The following RNF145 variants were observed in gnomAD, a reference collection of about 807,000 sequenced individuals.
RNF145 encodes ring finger protein 145.
Under a neutral mutation model 57.3 loss-of-function variants are expected in RNF145, and 12 were observed. The ratio of observed to expected loss-of-function variants is 0.21; its 90% confidence interval spans 0.13 to 0.34. RNF145 has a LOEUF of 0.34. RNF145 is among the 10% of genes least tolerant of loss of function. The pLI, the probability that RNF145 is intolerant of heterozygous loss-of-function variation, is 1.00. For missense variants in RNF145, 429 were observed against 799.0 expected, an observed-to-expected ratio of 0.54 and a Z score of 5.58; for synonymous variants, 262 against 288.3, an observed-to-expected ratio of 0.91 and a Z score of 0.92.
At chr5:159,200,406 A>C (rs1030676994) in intron 2 of RNF145, among the ~76,000 whole-genome samples, 2 of 152,214 alleles carry the variant, frequency 1.3e-5, no homozygotes, top group East Asian at 3.8e-4. Flanking sequence ...TTCAAAAATG[A>C]AACAAAATAT....
chr5:159,208,229 C>T (rs1785971369), intron 1 of RNF145: 3 of 1,099,692 alleles, frequency 2.7e-6, no homozygotes, highest in Non-Finnish European at 2.4e-6. Context: ...GCAACCGGGC[C>T]GCCGCCGCCG....
rs138264823 is a variant in RNF145 at position 159,194,102 on chromosome 5, T to C, written c.293+614A>G. On this transcript the variant is annotated intron_variant, in intron 3 of 10. Coordinates refer to ENST00000424310, the MANE Select transcript of RNF145 (RefSeq NM_001199383.2). ...ACAATATGGCTAAAGAGATAGAAGG[T>C]TAGCTATACAATCAACCTTACAAGA... Among the ~76,000 whole-genome samples the C allele has an allele frequency of 2.9e-3, 440 of 152,312 alleles. 1 individual carries two copies. The highest frequency in any genetic ancestry group is 9.7e-3 in the African/African-American group (404 of 41,568).
chr5:159,203,540 C>G lies in RNF145; in HGVS notation c.78G>C (p.Leu26=). 6.2e-7 allele frequency: 1 copy of G among 1,613,664 alleles called. No individual in the cohort carries two copies. Among genetic ancestry groups the G allele is most frequent in the Non-Finnish European group, 8.5e-7 (1 of 1,179,860 alleles). ...RVPSIMLLDV[L]YRWDVSSFFQ... ...AAAAGGAGCTGACATCCCATCTGTACAGGACATCCAACAGCATGATGCTTG... is the reference window on the plus strand; with the variant it reads ...AAAAGGAGCTGACATCCCATCTGTAGAGGACATCCAACAGCATGATGCTTG... Residue 26 remains leucine, a synonymous_variant, in exon 2 of 11, where the codon CTG becomes CTC. Transcript: ENST00000424310.
chr5:159,174,925 A>G (rs920344998), intron 5 of RNF145, among the ~76,000 whole-genome samples: 5 of 152,210 alleles, frequency 3.3e-5, no homozygotes, highest in African/African-American at 7.2e-5. Flanking sequence ...CCAAGTTTCT[A>G]GAGTTACTAT....
At position 159,158,595 on chromosome 5, in the gene RNF145, A is replaced by C. The variant is rs1784113365; in HGVS notation, c.*75T>G. On this transcript the variant is annotated 3_prime_UTR_variant, in exon 11 of 11. Transcript: ENST00000424310. ...CCTGATCATCTCATTTTCATTCCTC[A>C]AATCAGAACATGAATTCCATCTTGA... 2 of 1,512,168 alleles carry C rather than the reference A, an allele frequency of 1.3e-6. No individual in the cohort carries two copies. Among genetic ancestry groups the C allele is most frequent in the East Asian group, 4.5e-5 (2 of 44,146 alleles). The allele number at this position is 1,512,168 out of a possible 1,614,324, so 93.7% of individuals were successfully genotyped here.
In RNF145 at chr5:159,208,159, G is replaced by C. The variant is rs1003704305; in HGVS notation, c.-40+1072C>G. On this transcript the variant is annotated intron_variant, in intron 1 of 10. Transcript: ENST00000424310. ...ACGCCTGCAGATCTCAGATGCGTTTGAACTACAGTAACCCCAACCCAGCTC... is the reference window on the plus strand; with the variant it reads ...ACGCCTGCAGATCTCAGATGCGTTTCAACTACAGTAACCCCAACCCAGCTC... 21 of 1,408,522 alleles carry C rather than the reference G, an allele frequency of 1.5e-5. No homozygotes were observed. The African/African-American group carries it at 2.0e-4, about 14-fold the overall frequency. 87.3% of individuals were successfully genotyped at this position (1,408,522 alleles called of 1,614,324 possible). A position where few individuals can be genotyped will look rare whatever the true frequency, so the allele number is the denominator to read the frequency against.
At chr5:159,207,738 G>C (rs763059644) in intron 1 of RNF145, 1 of 1,614,000 alleles carries the variant, frequency 6.2e-7, no homozygotes, top group Non-Finnish European at 8.5e-7. Flanking sequence ...CTCCTTGCTA[G>C]CTAACTTTGT....
At chr5:159,181,892 C>T in intron 4 of RNF145, 68 bp downstream of exon 4, 1 of 865,076 alleles carries the variant, frequency 1.2e-6, no homozygotes. Flanking sequence ...AATGAGTATG[C>T]ATGAATTTTA....
At chr5:159,185,509 C>T (rs1215260142) in intron 3 of RNF145, among the ~76,000 whole-genome samples, 1 of 152,120 alleles carries the variant, frequency 6.6e-6, no homozygotes, top group Non-Finnish European at 1.5e-5. Flanking sequence ...GATGGTCATT[C>T]ACAACATAAG....
intron 8 of RNF145, among the ~76,000 whole-genome samples, chr5:159,168,340 G>T (rs897715615): frequency 3.3e-5 from 5 of 152,102 alleles, no homozygotes; most frequent in Admixed American, 1.3e-4. Context: ...CCTATAAGTT[G>T]TCAAGAATCC....
intron 8 of RNF145, among the ~76,000 whole-genome samples, chr5:159,163,407 A>T (rs1259818036): frequency 6.6e-6 from 1 of 152,236 alleles, no homozygotes; most frequent in Non-Finnish European, 1.5e-5. Context: ...TTCCTGGTTA[A>T]GACAGGGAGG....
intron 3 of RNF145, among the ~76,000 whole-genome samples, chr5:159,183,265 G>A (rs1429269587): frequency 6.6e-6 from 1 of 152,174 alleles, no homozygotes; most frequent in Non-Finnish European, 1.5e-5. Flanking sequence ...TTGTAATGCA[G>A]TGGTTGTCAA....
At position 159,163,068 on chromosome 5, in the gene RNF145, T is replaced by C; in HGVS notation, c.1133A>G (p.Lys378Arg). 1 of 1,596,524 alleles carries C rather than the reference T, an allele frequency of 6.3e-7. No homozygotes were observed. The highest frequency in any genetic ancestry group is 8.5e-7 in the Non-Finnish European group (1 of 1,175,594). The part of the protein sequence containing the change: ...LGASRDKSLW[K>R]HFRAVSLCLF... ...ACAAAGGCTTACAGCACGGAAGTGTTTCCACAAGCTCCTGGAGAAAGACAA... is the reference window on the plus strand; with the variant it reads ...ACAAAGGCTTACAGCACGGAAGTGTCTCCACAAGCTCCTGGAGAAAGACAA... The change falls in exon 9 of 11, where the codon AAA becomes AGA. Residue 378 changes from lysine to arginine, a missense_variant. Lys to Arg is a conservative substitution (Grantham distance 26). Around this residue, in one of 4 missense-constraint regions of RNF145, gnomAD observed 216 missense variants for 457.6 expected, o/e 0.47. Coordinates refer to ENST00000424310, the MANE Select transcript of RNF145 (RefSeq NM_001199383.2).
chr5:159,194,841 A>T lies in RNF145; in HGVS notation c.185-17T>A. 1 of 1,468,014 alleles carries T rather than the reference A, an allele frequency of 6.8e-7. No homozygotes were observed. The highest frequency in any genetic ancestry group is 1.2e-5 in the South Asian group (1 of 82,074). 90.9% of individuals were successfully genotyped at this position (1,468,014 alleles called of 1,614,324 possible). On this transcript the variant is annotated splice_polypyrimidine_tract_variant and intron_variant, in intron 2 of 10. Coordinates refer to ENST00000424310, the MANE Select transcript of RNF145 (RefSeq NM_001199383.2). ...AGATATAACCTGTACCAGAAAGATAAATAAAATACAATTTTAATTTAGTTT... is the reference window on the plus strand; with the variant it reads ...AGATATAACCTGTACCAGAAAGATATATAAAATACAATTTTAATTTAGTTT...
intron 8 of RNF145, among the ~76,000 whole-genome samples, chr5:159,168,298 G>A (rs1402425957): frequency 6.6e-6 from 1 of 152,096 alleles, no homozygotes; most frequent in Admixed American, 6.6e-5. Context: ...AATGCAAGAT[G>A]TACATGAATC....
At chr5:159,171,252 C>A (rs1214055698) in intron 6 of RNF145, among the ~76,000 whole-genome samples, 1 of 152,068 alleles carries the variant, frequency 6.6e-6, no homozygotes, top group Non-Finnish European at 1.5e-5. Flanking sequence ...CAATTTTAAA[C>A]AAATTGTGTA....
In RNF145 at chr5:159,158,671, T is replaced by G; in HGVS notation, c.1991A>C (p.Ter664SerextTer16). Residue 664 changes from the stop codon to serine, a stop_lost, in exon 11 of 11, where the codon TAG (stop) becomes TCG (serine). Transcript: ENST00000424310. ...AGCATCATTCCTGCTGCTTCTCCTC[T>G]AGGCTGATTCAACAGGATGTGCTTC... ...KDEAHPVESA* is the reference protein window; with the variant it reads ...KDEAHPVESAS 2 of 1,613,556 alleles carry G rather than the reference T, an allele frequency of 1.2e-6. No homozygotes were observed. Among genetic ancestry groups the G allele is most frequent in the Non-Finnish European group, 1.7e-6 (2 of 1,179,590 alleles).
chr5:159,186,065 C>CA (rs1438719709), intron 3 of RNF145, among the ~76,000 whole-genome samples: 1 of 152,024 alleles, frequency 6.6e-6, no homozygotes, highest in East Asian at 1.9e-4. Context: ...CTCTACAAAA[C>CA]AAAAAATACA....
At chr5:159,168,766 A>G in intron 8 of RNF145, 107 bp downstream of exon 8, 1 of 615,140 alleles carries the variant, frequency 1.6e-6, no homozygotes. Context: ...AATACCAATT[A>G]CCCATATCCA....
Sources: gnomAD v4.1 joint callset for allele counts (sites outside exome capture counted in the v4.1 genomes callset) on GRCh38, gnomAD v4.1.1 for gene constraint, gnomAD v4.1.1 regional missense constraint, MANE v1.5 for transcripts, NCBI Gene and HGNC (gene_info 2026-07-23, HGNC 2026-07-21) for gene names.